SGPP2: variants seen among roughly 807,000 people sequenced by gnomAD.
SGPP2 encodes the protein sphingosine 1-phosphate phosphohydrolase 2.
In SGPP2, 30 loss-of-function variants were observed where a neutral mutation model predicts 33.9. The observed-to-expected ratio is 0.89, with a 90% confidence interval of 0.66 to 1.20. The LOEUF is 1.20. Ranked by LOEUF, SGPP2 falls within the 50% of genes most tolerant of loss-of-function variation. SGPP2 has a pLI of 0.00. For missense variants in SGPP2, 458 were observed against 532.1 expected, an observed-to-expected ratio of 0.86 and a Z score of 1.37; for synonymous variants, 233 against 225.0, an observed-to-expected ratio of 1.04 and a Z score of -0.32.
intron 1 of SGPP2, among the ~76,000 whole-genome samples, chr2:222,470,363 T>C (rs1159708556): frequency 6.6e-6 from 1 of 152,232 alleles, no homozygotes; most frequent in Non-Finnish European, 1.5e-5. Context: ...AGGAAAGTAT[T>C]GGCTCTCAAG....
intron 4 of SGPP2, among the ~76,000 whole-genome samples, chr2:222,555,454 T>G (rs1413782364): frequency 3.3e-4 from 50 of 151,404 alleles, no homozygotes; most frequent in African/African-American, 1.1e-3. Flanking sequence ...CGTTTTTTTT[T>G]TTTTTTTTTT....
intron 2 of SGPP2, among the ~76,000 whole-genome samples, chr2:222,479,941 T>C (rs375778981): frequency 2.6e-5 from 4 of 152,344 alleles, no homozygotes; most frequent in South Asian, 4.1e-4. Context: ...TTCTCTCCTC[T>C]GTCCTGTATC....
Position 222,484,950 on chromosome 2 carries a change from G to A in SGPP2, c.378+10224G>A, listed in dbSNP as rs188044581. Among the ~76,000 whole-genome samples the A allele has an allele frequency of 4.7e-3, 716 of 152,198 alleles. 2 individuals carry two copies. The highest frequency in any genetic ancestry group is 7.2e-3 in the Non-Finnish European group (491 of 68,012). ...AATCAATTCCACTGGCAAAGCTGCC[G>A]TCTTGAATTGTTATGGTTCTCATGG... is the stretch of plus-strand genomic sequence containing the variant. On this transcript the variant is annotated intron_variant, in intron 2 of 4. Transcript: ENST00000321276.
intron 1 of SGPP2, among the ~76,000 whole-genome samples, chr2:222,435,018 G>GTATATATACACATATA (rs544468214): frequency 5.3e-5 from 1 of 18,942 alleles, no homozygotes; most frequent in African/African-American, 1.5e-4. Context: ...ACACATATGT[G>GTATATATACACATATA]TATATGTGTG....
intron 1 of SGPP2, among the ~76,000 whole-genome samples, chr2:222,462,319 C>T (rs565889503): frequency 6.1e-4 from 93 of 152,194 alleles, no homozygotes; most frequent in African/African-American, 1.8e-3. Flanking sequence ...GAGCTAGAAA[C>T]GCTCTTGGGT....
intron 2 of SGPP2, among the ~76,000 whole-genome samples, chr2:222,512,384 C>A (rs943855039): frequency 2.8e-4 from 43 of 151,978 alleles, no homozygotes; most frequent in African/African-American, 1.0e-3. Context: ...TTCTCATATA[C>A]CTTCTCCCCA....
chr2:222,547,047 A>C (rs1301300782), intron 4 of SGPP2, among the ~76,000 whole-genome samples: 1 of 152,156 alleles, frequency 6.6e-6, no homozygotes, highest in Non-Finnish European at 1.5e-5. Flanking sequence ...AATGCAATAT[A>C]CAGTTTGAAA....
chr2:222,436,595 C>A (rs1421109229), intron 1 of SGPP2, among the ~76,000 whole-genome samples: 1 of 152,166 alleles, frequency 6.6e-6, no homozygotes, highest in East Asian at 1.9e-4. Flanking sequence ...GAGCCCACTG[C>A]CATACTTCTT....
chr2:222,477,207 A>G lies in SGPP2; in HGVS notation c.378+2481A>G, dbSNP rs1697954388. Among the ~76,000 whole-genome samples the G allele has an allele frequency of 6.6e-6, 1 of 151,104 alleles. No individual in the cohort carries two copies. Among genetic ancestry groups the G allele is most frequent in the Non-Finnish European group, 1.5e-5 (1 of 67,706 alleles). On this transcript the variant is annotated intron_variant, in intron 2 of 4. Coordinates refer to ENST00000321276, the MANE Select transcript of SGPP2 (RefSeq NM_152386.4). This position sits in a 1 kb window ranked among gnomAD's most constrained non-coding sequence, Gnocchi z 6.0. ...TATGTGTGTATATATGTGTGTGCAT[A>G]GGTGCATATATATGTTTATGTATAT...
At chr2:222,525,808 C>CA (rs1352047781) in intron 4 of SGPP2, among the ~76,000 whole-genome samples, 3 of 152,084 alleles carry the variant, frequency 2.0e-5, no homozygotes, top group Admixed American at 2.0e-4. Context: ...GTTAAGTTAG[C>CA]AAAAAAACCT....
intron 1 of SGPP2, among the ~76,000 whole-genome samples, chr2:222,426,141 C>T (rs2106051425): frequency 7.9e-6 from 1 of 126,704 alleles, no homozygotes; most frequent in Middle Eastern, 5.9e-3. Flanking sequence ...TAGCTTGAGG[C>T]GGAGGTTGCA....
intron 2 of SGPP2, among the ~76,000 whole-genome samples, chr2:222,507,215 G>A (rs1698458260): frequency 6.6e-6 from 1 of 152,144 alleles, no homozygotes; most frequent in Non-Finnish European, 1.5e-5. Flanking sequence ...TCCTGAGTTT[G>A]TTAGAGTTTT....
At chr2:222,504,702 T>C (rs1407057426) in intron 2 of SGPP2, 1 of 152,180 alleles carries the variant, frequency 6.6e-6, no homozygotes, top group African/African-American at 2.4e-5. Flanking sequence ...TTGCCATGGG[T>C]AGAATCATTT....
chr2:222,455,998 G>A lies in SGPP2; in HGVS notation c.220-18570G>A, dbSNP rs541211579. On this transcript the variant is annotated intron_variant, in intron 1 of 4. Coordinates refer to ENST00000321276, the MANE Select transcript of SGPP2 (RefSeq NM_152386.4). ...GGAGGCTAAGGTGGGAGGATTGCTTGAGCCCAGGAGTTTGAGGCTATGGTG... is the reference window on the plus strand; with the variant it reads ...GGAGGCTAAGGTGGGAGGATTGCTTAAGCCCAGGAGTTTGAGGCTATGGTG... 2.0e-5 allele frequency among the ~76,000 whole-genome samples: 3 copies of A among 152,284 alleles called. No individual in the cohort carries two copies. The South Asian group carries it at 6.2e-4, about 32-fold the overall frequency.
chr2:222,453,688 A>G (rs1377051206), intron 1 of SGPP2, among the ~76,000 whole-genome samples: 3 of 152,228 alleles, frequency 2.0e-5, no homozygotes, highest in East Asian at 1.9e-4. Context: ...TATTATAAGA[A>G]TACAGTATAT....
At chr2:222,534,448 A>G (rs759104485) in intron 4 of SGPP2, among the ~76,000 whole-genome samples, 47 of 130,922 alleles carry the variant, frequency 3.6e-4, no homozygotes, top group Non-Finnish European at 5.3e-4. Flanking sequence ...TTGCTTATTC[A>G]TTTATTTTTT....
rs1689544051 is a variant in SGPP2, at chr2:222,561,649, T to C, written c.*2751T>C. The stretch of plus-strand genomic sequence containing the variant: ...ATATTTAAGGCTGTACTTAACTAAT[T>C]TGGGCTGAGGATGAATATATCAGCC... On this transcript the variant is annotated 3_prime_UTR_variant, in exon 5 of 5. Coordinates refer to ENST00000321276, the MANE Select transcript of SGPP2 (RefSeq NM_152386.4). 6.6e-6 allele frequency among the ~76,000 whole-genome samples: 1 copy of C among 151,924 alleles called. No individual in the cohort carries two copies. Among genetic ancestry groups the C allele is most frequent in the South Asian group, 2.1e-4 (1 of 4,808 alleles).
At chr2:222,490,274 G>A (rs1175131337) in intron 2 of SGPP2, among the ~76,000 whole-genome samples, 3 of 152,166 alleles carry the variant, frequency 2.0e-5, no homozygotes, top group Admixed American at 2.0e-4. Flanking sequence ...TACTTGGTAA[G>A]TGGAACAGGG....
chr2:222,473,666 C>G (rs909456247), intron 1 of SGPP2, among the ~76,000 whole-genome samples: 1 of 152,028 alleles, frequency 6.6e-6, no homozygotes, highest in East Asian at 1.9e-4. Flanking sequence ...GGCTCACGCC[C>G]GTAATCCCAG....
Sources: gnomAD v4.1 joint callset for allele counts (sites outside exome capture counted in the v4.1 genomes callset) on GRCh38, gnomAD v4.1.1 for gene constraint, Gnocchi (gnomAD v3.1) non-coding constraint, MANE v1.5 for transcripts, NCBI Gene and HGNC (gene_info 2026-07-23, HGNC 2026-07-21) for gene names.